The following PCDHGA6 variants were observed in gnomAD, a reference collection of about 807,000 sequenced individuals.
PCDHGA6 encodes protocadherin gamma subfamily A, 6.
PCDHGA6 carries 41 observed loss-of-function variants against 60.6 expected under a neutral mutation model. The observed-to-expected ratio is 0.68, with a 90% confidence interval of 0.53 to 0.88. PCDHGA6 has a LOEUF of 0.88. Ranked by LOEUF, PCDHGA6 falls within the 40% of genes least tolerant of loss-of-function variation. The pLI, the probability that PCDHGA6 is intolerant of heterozygous loss-of-function variation, is 0.00. For missense variants in PCDHGA6, 1,312 were observed against 1,203.0 expected (o/e 1.09, Z -1.34); for synonymous variants, 594 against 524.4 (o/e 1.13, Z -1.81).
intron 1 of PCDHGA6, chr5:141,420,092 G>A: frequency 1.2e-6 from 2 of 1,614,020 alleles, no homozygotes; most frequent in Non-Finnish European, 1.7e-6. Flanking sequence ...CAACTACAGT[G>A]AGGGAACGTT....
chr5:141,421,291 G>C, intron 1 of PCDHGA6: 1 of 1,613,364 alleles, frequency 6.2e-7, no homozygotes, highest in Middle Eastern at 1.6e-4. Context: ...CATTTTCCTG[G>C]GGACGCTGCG....
intron 1 of PCDHGA6, among the ~76,000 whole-genome samples, chr5:141,471,076 T>C (rs1463083616): frequency 1.5e-5 from 2 of 136,094 alleles, no homozygotes; most frequent in Non-Finnish European, 3.1e-5. Context: ...TGAGACAGGG[T>C]CTCCCTCTGT....
At chr5:141,502,767 C>T (rs970206343) in intron 2 of PCDHGA6, among the ~76,000 whole-genome samples, 1 of 151,756 alleles carries the variant, frequency 6.6e-6, no homozygotes, top group East Asian at 1.9e-4. Flanking sequence ...TGCTGGTATT[C>T]TTCTGAAAAT....
In PCDHGA6 at chr5:141,490,540, C is replaced by T; in HGVS notation, c.2425-4267C>T. The T allele has an allele frequency of 6.2e-7, 1 of 1,614,148 alleles. No homozygotes were observed. Among genetic ancestry groups the T allele is most frequent in the Non-Finnish European group, 8.5e-7 (1 of 1,180,024 alleles). ...GGCCAGCGATGCTGGTTCACCTTCC[C>T]TACACAAACATCTCACCATCAGGCT... On this transcript the variant is annotated intron_variant, in intron 1 of 3. Coordinates refer to ENST00000517434, the MANE Select transcript of PCDHGA6 (RefSeq NM_018919.3). This position sits in a 1 kb window ranked among gnomAD's most constrained non-coding sequence, Gnocchi z 5.4.
chr5:141,408,641 T>C, intron 1 of PCDHGA6: 1 of 1,614,034 alleles, frequency 6.2e-7, no homozygotes, highest in Non-Finnish European at 8.5e-7. Context: ...CGAATCTGCA[T>C]CCGCTGGTAC....
intron 1 of PCDHGA6, chr5:141,400,663 A>T: frequency 4.0e-6 from 4 of 995,312 alleles, no homozygotes; most frequent in Non-Finnish European, 6.0e-6. Flanking sequence ...ACCATTCTTT[A>T]AGAGGAGCAG....
At chr5:141,379,087 A>G (rs1464802506) in intron 1 of PCDHGA6, 1 of 152,222 alleles carries the variant, frequency 6.6e-6, no homozygotes, top group Non-Finnish European at 1.5e-5. Flanking sequence ...TTTGTTATGA[A>G]TGTGTAAGAA....
chr5:141,481,780 C>T (rs781334437), intron 1 of PCDHGA6, among the ~76,000 whole-genome samples: 3 of 152,016 alleles, frequency 2.0e-5, no homozygotes, highest in African/African-American at 7.2e-5. Flanking sequence ...GGTGAAACCC[C>T]GTCTCTACTA....
chr5:141,399,656 T>C, intron 1 of PCDHGA6: 1 of 1,613,694 alleles, frequency 6.2e-7, no homozygotes, highest in Non-Finnish European at 8.5e-7. Context: ...AGTGGGGTGG[T>C]GTTCGCGCAG....
chr5:141,390,386 A>C, intron 1 of PCDHGA6: 2 of 1,432,848 alleles, frequency 1.4e-6, no homozygotes, highest in Non-Finnish European at 1.9e-6. Context: ...TTTAGATGTC[A>C]TGGATCATTT....
intron 1 of PCDHGA6, among the ~76,000 whole-genome samples, chr5:141,472,712 G>A (rs1303609397): frequency 1.3e-5 from 2 of 151,972 alleles, no homozygotes; most frequent in Admixed American, 6.6e-5. Flanking sequence ...CAGGCCAGGC[G>A]CTGTGGCTCA....
chr5:141,410,524 T>A, intron 1 of PCDHGA6: 1 of 1,613,954 alleles, frequency 6.2e-7, no homozygotes. Context: ...TGCCCCTACA[T>A]TCCAATGAAG....
At chr5:141,404,150 G>T in intron 1 of PCDHGA6, 1 of 1,612,828 alleles carries the variant, frequency 6.2e-7, no homozygotes, top group South Asian at 1.1e-5. Flanking sequence ...TTCAGAAGAA[G>T]ATTATTACAG....
intron 1 of PCDHGA6, chr5:141,389,972 GA>G: frequency 6.2e-7 from 1 of 1,614,056 alleles, no homozygotes; most frequent in East Asian, 2.2e-5. Flanking sequence ...CCTTGGCCTT[GA>G]TCTCAGTGCT....
chr5:141,511,560 T>C lies in PCDHGA6; in HGVS notation c.*387T>C. ...CCACCCCACTCCAACAGTTCCTCTT[T>C]CCCGAGTAAGGTGGTTGGGGTGTTG... On this transcript the variant is annotated 3_prime_UTR_variant, in exon 4 of 4. Coordinates refer to ENST00000517434, the MANE Select transcript of PCDHGA6 (RefSeq NM_018919.3). The C allele has an allele frequency of 3.3e-6, 1 of 298,990 alleles. No homozygotes were observed. The highest frequency in any genetic ancestry group is 3.7e-5 in the South Asian group (1 of 27,250). The allele number at this position is 298,990 out of a possible 1,614,324, so 18.5% of individuals were successfully genotyped here.
rs376221362 is a variant in PCDHGA6, at chr5:141,389,239, A to G, written c.2424+12732A>G. 8.2e-5 allele frequency: 132 copies of G among 1,614,008 alleles called. No homozygotes were observed. The highest frequency in any genetic ancestry group is 6.6e-4 in the Middle Eastern group (4 of 6,062). ...AATGACAACGCTCCGGTTTTCTCAC[A>G]GTCTTCCTATATAGTCCACGTGGCC... On this transcript the variant is annotated intron_variant, in intron 1 of 3. Coordinates refer to ENST00000517434, the MANE Select transcript of PCDHGA6 (RefSeq NM_018919.3).
chr5:141,472,751 G>A (rs1000022316), intron 1 of PCDHGA6, among the ~76,000 whole-genome samples: 5 of 151,850 alleles, frequency 3.3e-5, no homozygotes, highest in East Asian at 3.9e-4. Flanking sequence ...TTTGGGAGGC[G>A]GAGGCTGGCA....
At chr5:141,495,379 C>T (rs989240656) in intron 2 of PCDHGA6, among the ~76,000 whole-genome samples, 3 of 152,208 alleles carry the variant, frequency 2.0e-5, no homozygotes, top group Non-Finnish European at 4.4e-5. Context: ...TGAGGAAGGA[C>T]TGGGCGGGGC....
At position 141,476,606 on chromosome 5, in the gene PCDHGA6, G is replaced by T. The variant is rs2099394832; in HGVS notation, c.2425-18201G>T. The stretch of plus-strand genomic sequence containing the variant: ...GCTCGAGAGCGCGCACGATCCCGAT[G>T]TGGGAAGCAACTCTTTACAAACCTA... On this transcript the variant is annotated intron_variant, in intron 1 of 3. Transcript: ENST00000517434. The surrounding 1 kb of genome is among the most constrained non-coding windows in gnomAD (Gnocchi z 7.6). The T allele has an allele frequency of 1.9e-6, 3 of 1,614,126 alleles. No individual in the cohort carries two copies. Among genetic ancestry groups the T allele is most frequent in the Non-Finnish European group, 1.7e-6 (2 of 1,180,054 alleles).
Sources: allele counts gnomAD v4.1 joint callset (sites outside exome capture counted in the v4.1 genomes callset), GRCh38; gene constraint gnomAD v4.1.1; non-coding constraint Gnocchi (gnomAD v3.1); transcripts MANE v1.5; gene names NCBI Gene and HGNC (gene_info 2026-07-23, HGNC 2026-07-21).